The following CFAP54 variants were observed in gnomAD, a reference collection of about 807,000 sequenced individuals.
CFAP54 encodes cilia- and flagella-associated protein 54.
Under a neutral mutation model 370.4 loss-of-function variants are expected in CFAP54, and 290 were observed. That is an observed-to-expected ratio of 0.78 (90% confidence interval 0.71 to 0.86). The LOEUF (loss-of-function observed/expected upper bound fraction) is 0.86. Among genes scored for constraint, CFAP54 ranks in the 40% least tolerant of loss-of-function variants. The probability of loss-of-function intolerance (pLI) is 0.00; values close to 1 mark genes in which losing one functional copy is unlikely to be tolerated. For missense variants in CFAP54, 3,399 were observed against 3,528.7 expected (o/e 0.96, Z 0.93); for synonymous variants, 1,206 against 1,236.5 (o/e 0.98, Z 0.52).
At chr12:96,802,861 C>T (rs1258958611) in intron 63 of CFAP54, among the ~76,000 whole-genome samples, 2 of 152,050 alleles carry the variant, frequency 1.3e-5, no homozygotes, top group African/African-American at 4.8e-5. Context: ...CCAGTGTGTG[C>T]TGTTCCCCTC....
intron 66 of CFAP54, among the ~76,000 whole-genome samples, chr12:96,857,088 A>G (rs1376684065): frequency 6.6e-6 from 1 of 152,202 alleles, no homozygotes; most frequent in Admixed American, 6.5e-5. Context: ...TTATAAAACC[A>G]TCAGATCTCA....
chr12:96,865,553 G>T (rs941418122), intron 67 of CFAP54, among the ~76,000 whole-genome samples: 3 of 152,134 alleles, frequency 2.0e-5, no homozygotes, highest in East Asian at 3.9e-4. Context: ...AAGGAGGGAG[G>T]ATGAAATCTA....
intron 65 of CFAP54, among the ~76,000 whole-genome samples, chr12:96,818,311 CT>C (rs1958998304): frequency 1.3e-5 from 2 of 152,132 alleles, no homozygotes; most frequent in East Asian, 1.9e-4. Context: ...TTTTTTCAGA[CT>C]TTTTATATTA....
At position 96,626,110 on chromosome 12, in the gene CFAP54, G is replaced by A. The variant is rs151092613; in HGVS notation, c.3976+303G>A. 4.7e-3 allele frequency among the ~76,000 whole-genome samples: 719 copies of A among 152,226 alleles called. 4 individuals carry two copies. The highest frequency in any genetic ancestry group is 0.016 in the African/African-American group (681 of 41,556). On this transcript the variant is annotated intron_variant, in intron 29 of 67. Transcript: ENST00000524981. ...TTGAAAAACATATTAGTGGCTGGGC[G>A]CAGAAGCTCACGCCTGTAATCTCAG...
At chr12:96,625,993 T>C (rs902485600) in intron 29 of CFAP54, among the ~76,000 whole-genome samples, 186 bp downstream of exon 29, 1 of 152,174 alleles carries the variant, frequency 6.6e-6, no homozygotes, top group Non-Finnish European at 1.5e-5. Flanking sequence ...CCTAAAGAGG[T>C]ACCTGATTTA....
intron 66 of CFAP54, among the ~76,000 whole-genome samples, chr12:96,849,147 T>G (rs1461827303): frequency 1.3e-5 from 2 of 152,220 alleles, no homozygotes; most frequent in Non-Finnish European, 2.9e-5. Context: ...ATCATTAACT[T>G]CAGAGAAAAG....
chr12:96,651,467 C>T (rs1956856698), intron 35 of CFAP54, 121 bp from the exon 36 acceptor site: 1 of 749,536 alleles, frequency 1.3e-6, no homozygotes, highest in Non-Finnish European at 2.2e-6. Context: ...TGTAAGTGAC[C>T]CTAACAAATG....
intron 58 of CFAP54, among the ~76,000 whole-genome samples, chr12:96,759,133 T>C (rs1424112432): frequency 6.6e-6 from 1 of 152,086 alleles, no homozygotes; most frequent in Non-Finnish European, 1.5e-5. Context: ...TTTAGGCAAA[T>C]AGAGTCTCAG....
Position 96,756,583 on chromosome 12 carries a change from T to C in CFAP54, c.7946+20T>C, listed in dbSNP as rs17025812. 3,637 of 1,508,262 alleles carry C rather than the reference T, an allele frequency of 2.4e-3. 74 individuals are homozygous for C. In the African/African-American group the frequency reaches 0.042, roughly 17 times the overall value. The allele number at this position is 1,508,262 out of a possible 1,614,324, so 93.4% of individuals were successfully genotyped here. The stretch of plus-strand genomic sequence containing the variant: ...CTCAGGGTAAAAAGATATTCCATTG[T>C]TGTAGCTGTGTGTGTTTGGCTTGAG... On this transcript the variant is annotated intron_variant, in intron 57 of 67. Coordinates refer to ENST00000524981, the MANE Select transcript of CFAP54 (RefSeq NM_001306084.2).
intron 14 of CFAP54, among the ~76,000 whole-genome samples, chr12:96,541,678 A>T (rs7962550): frequency 0.54 from 82,575 of 151,968 alleles, 22,987 homozygotes; most frequent in East Asian, 0.68. Context: ...TTGGACACTG[A>T]CATATTCTTG....
intron 32 of CFAP54, among the ~76,000 whole-genome samples, chr12:96,632,779 G>T (rs1956622541): frequency 6.6e-6 from 1 of 151,912 alleles, no homozygotes; most frequent in South Asian, 2.1e-4. Flanking sequence ...TTATGATTTT[G>T]ATAAAGATAG....
chr12:96,545,161 C>T (rs1955624813), intron 14 of CFAP54, among the ~76,000 whole-genome samples: 1 of 152,152 alleles, frequency 6.6e-6, no homozygotes, highest in Non-Finnish European at 1.5e-5. Context: ...GATCCACCCT[C>T]CTCGGCCTCC....
intron 47 of CFAP54, among the ~76,000 whole-genome samples, chr12:96,705,897 C>T (rs978046412): frequency 3.9e-5 from 6 of 152,142 alleles, no homozygotes; most frequent in Non-Finnish European, 7.3e-5. Flanking sequence ...GAGAAAGCTT[C>T]TCTCAACCAA....
At chr12:96,527,870 T>A (rs1364633348) in intron 9 of CFAP54, among the ~76,000 whole-genome samples, 1 of 152,188 alleles carries the variant, frequency 6.6e-6, no homozygotes, top group Non-Finnish European at 1.5e-5. Flanking sequence ...GCCAAGCTGA[T>A]ATAATTTATA....
intron 66 of CFAP54, among the ~76,000 whole-genome samples, chr12:96,844,781 C>G (rs1163422187): frequency 2.6e-5 from 4 of 152,188 alleles, no homozygotes; most frequent in Admixed American, 1.3e-4. Context: ...CAACTATACT[C>G]TAAGCTCCTT....
At chr12:96,497,680 C>T (rs957425127) in intron 1 of CFAP54, among the ~76,000 whole-genome samples, 3 of 152,178 alleles carry the variant, frequency 2.0e-5, no homozygotes, top group African/African-American at 7.2e-5. Context: ...CCAGATGTCC[C>T]AGTACCCATA....
At chr12:96,529,629 T>G (rs1955419520) in intron 9 of CFAP54, among the ~76,000 whole-genome samples, 1 of 152,230 alleles carries the variant, frequency 6.6e-6, no homozygotes, top group African/African-American at 2.4e-5. Flanking sequence ...TTCATATACT[T>G]TTTTCACTAT....
chr12:96,521,869 C>T lies in CFAP54; in HGVS notation c.955C>T (p.Arg319Cys), dbSNP rs1358299593. 12 of 1,526,258 alleles carry T rather than the reference C, an allele frequency of 7.9e-6. No homozygotes were observed. The highest frequency in any genetic ancestry group is 5.5e-5 in the African/African-American group (4 of 72,960). The allele number at this position is 1,526,258 out of a possible 1,614,324, so 94.5% of individuals were successfully genotyped here. Residue 319 changes from arginine to cysteine, a missense_variant, in exon 7 of 68, where the codon CGT (arginine) becomes TGT (cysteine). Transcript: ENST00000524981. ...AGIHGEAFARRALAKIDELRQ... is the reference protein window; with the variant it reads ...AGIHGEAFARCALAKIDELRQ... ...TAATCACATGTAGGCATTTGCTCGG[C>T]GTGCTTTGGCTAAAATTGATGAGTT...
At chr12:96,654,357 C>T (rs968792526) in intron 36 of CFAP54, among the ~76,000 whole-genome samples, 3 of 151,920 alleles carry the variant, frequency 2.0e-5, no homozygotes, top group Admixed American at 6.6e-5. Flanking sequence ...AAAAATTAGC[C>T]GGGCGTAGTG....
Sources: gnomAD v4.1 joint callset for allele counts (sites outside exome capture counted in the v4.1 genomes callset) on GRCh38, gnomAD v4.1.1 for gene constraint, MANE v1.5 for transcripts, NCBI Gene and HGNC (gene_info 2026-07-23, HGNC 2026-07-21) for gene names.